Variants in SRD5A1 observed in about 807,000 individuals in gnomAD.
SRD5A1 encodes the protein 3-oxo-5-alpha-steroid 4-dehydrogenase 1.
In SRD5A1, 22 loss-of-function variants were observed where a neutral mutation model predicts 28.2. The ratio of observed to expected loss-of-function variants is 0.78; its 90% CI spans 0.56 to 1.12. The LOEUF (loss-of-function observed/expected upper bound fraction) is 1.12. Ranked by LOEUF, SRD5A1 falls within the 50% of genes most tolerant of loss-of-function variation. SRD5A1 has a pLI of 0.00. For missense variants in SRD5A1, 300 were observed against 346.7 expected, an observed-to-expected ratio of 0.87 and a Z score of 1.07; for synonymous variants, 151 against 135.0, an observed-to-expected ratio of 1.12 and a Z score of -0.82.
chr5:6,640,418 C>G (rs1360752658), intron 1 of SRD5A1, among the ~76,000 whole-genome samples: 1 of 152,202 alleles, frequency 6.6e-6, no homozygotes, highest in African/African-American at 2.4e-5. Context: ...CATTAATACT[C>G]TCAGTTCAGC....
chr5:6,639,450 T>C (rs993297175), intron 1 of SRD5A1, among the ~76,000 whole-genome samples: 1 of 152,198 alleles, frequency 6.6e-6, no homozygotes, highest in South Asian at 2.1e-4. Flanking sequence ...AAGTGCTGCT[T>C]AGGAGCAGAC....
At chr5:6,641,764 A>G (rs1452523337) in intron 1 of SRD5A1, among the ~76,000 whole-genome samples, 3 of 152,240 alleles carry the variant, frequency 2.0e-5, no homozygotes, top group Admixed American at 6.5e-5. Flanking sequence ...TGAATGTCTT[A>G]TCCAGGGCAT....
At chr5:6,634,196 G>A (rs935361775) in intron 1 of SRD5A1, among the ~76,000 whole-genome samples, 11 of 152,300 alleles carry the variant, frequency 7.2e-5, no homozygotes, top group Non-Finnish European at 1.0e-4. Context: ...GCGCGGTGGC[G>A]CCTGTCTGTG....
chr5:6,665,143 T>C (rs1175094447), intron 4 of SRD5A1, among the ~76,000 whole-genome samples: 1 of 152,180 alleles, frequency 6.6e-6, no homozygotes, highest in Non-Finnish European at 1.5e-5. Context: ...GGGAAGGCCA[T>C]GCGAAGATGG....
rs73033323 is a variant in SRD5A1, at chr5:6,651,033, T to C, written c.294-809T>C. 6.7e-3 allele frequency among the ~76,000 whole-genome samples: 1,013 copies of C among 152,150 alleles called. 10 individuals carry two copies. Among genetic ancestry groups the C allele is most frequent in the African/African-American group, 0.023 (973 of 41,508 alleles). ...ACCACTCTGAGTCTTAATTTTATCC[T>C]CTATCAAATGTGGATAAGAGTGCCT... On this transcript the variant is annotated intron_variant, in intron 1 of 4. Coordinates refer to ENST00000274192, the MANE Select transcript of SRD5A1 (RefSeq NM_001047.4).
intron 3 of SRD5A1, among the ~76,000 whole-genome samples, chr5:6,660,340 G>C (rs248799): frequency 0.14 from 21,625 of 152,252 alleles, 1,722 homozygotes; most frequent in East Asian, 0.24. Flanking sequence ...AAGAGAGAAG[G>C]TTCACTGAGC....
At chr5:6,642,212 C>T (rs557075166) in intron 1 of SRD5A1, among the ~76,000 whole-genome samples, 1 of 95,118 alleles carries the variant, frequency 1.1e-5, no homozygotes, top group East Asian at 2.4e-4. Flanking sequence ...TGTAAATGTT[C>T]CTCTCAGTGT....
Position 6,633,812 on chromosome 5 carries a change from T to A in SRD5A1, c.236T>A (p.Leu79His), listed in dbSNP as rs200641772. The part of the protein sequence containing the change: ...YQYASESAPR[L>H]RSAPNCILLA... ...TACGCCAGCGAGTCCGCCCCGCGTC[T>A]CCGCAGCGCGCCCAACTGCATCCTC... The change falls in exon 1 of 5, where the codon CTC (leucine) becomes CAC (histidine). Residue 79 changes from leucine (L) to histidine (H), a missense_variant. Around this residue, in one of 2 missense-constraint regions of SRD5A1, gnomAD observed 174 missense variants for 160.9 expected, o/e 1.08. Coordinates refer to ENST00000274192, the MANE Select transcript of SRD5A1 (RefSeq NM_001047.4). 1.3e-6 allele frequency: 2 copies of A among 1,597,868 alleles called. No individual in the cohort carries two copies. Among genetic ancestry groups the A allele is most frequent in the East Asian group, 2.2e-5 (1 of 44,816 alleles).
At chr5:6,655,271 T>C (rs1231852114) in intron 2 of SRD5A1, among the ~76,000 whole-genome samples, 6 of 152,260 alleles carry the variant, frequency 3.9e-5, no homozygotes, top group Non-Finnish European at 5.9e-5. Context: ...AGTTAACCTC[T>C]TTTTATCAAT....
chr5:6,642,841 C>A (rs1335343996), intron 1 of SRD5A1, among the ~76,000 whole-genome samples: 2 of 152,148 alleles, frequency 1.3e-5, no homozygotes, highest in African/African-American at 2.4e-5. Flanking sequence ...TTATGTGGGA[C>A]AAATCGGCAT....
At chr5:6,633,980 C>T (rs1433995158) in intron 1 of SRD5A1, 111 bp downstream of exon 1, 1 of 1,176,698 alleles carries the variant, frequency 8.5e-7, no homozygotes, top group South Asian at 1.3e-5. Context: ...CCCAGATGCC[C>T]TCTCCCTGCC....
intron 4 of SRD5A1, among the ~76,000 whole-genome samples, chr5:6,663,644 G>T (rs8192221): frequency 0.017 from 2,636 of 152,292 alleles, 74 homozygotes; most frequent in African/African-American, 0.06. Flanking sequence ...TGGATCACTT[G>T]AGGTCAGGAG....
At chr5:6,645,127 G>A (rs1327223204) in intron 1 of SRD5A1, 1 of 398,592 alleles carries the variant, frequency 2.5e-6, no homozygotes, top group East Asian at 7.2e-5. Context: ...TCTTCCCCAG[G>A]AGTTAAGTGG....
chr5:6,633,720 C>G lies in SRD5A1; in HGVS notation c.144C>G (p.Leu48=). The G allele has an allele frequency of 1.9e-6, 3 of 1,594,092 alleles. No individual in the cohort carries two copies. Among genetic ancestry groups the G allele is most frequent in the Non-Finnish European group, 2.5e-6 (3 of 1,177,802 alleles). Residue 48 remains leucine (L), a synonymous_variant, in exon 1 of 5, where the codon CTC becomes CTG. Coordinates refer to ENST00000274192, the MANE Select transcript of SRD5A1 (RefSeq NM_001047.4). ...GCCACGCGCTGCCCAGCCACAGGCT[C>G]CGAGTGCCGGCGCGGGCCGCCTGGG... ...YGRHALPSHR[L]RVPARAAWVV...
At position 6,671,976 on chromosome 5, in the gene SRD5A1, A is replaced by G. The variant is rs920933417; in HGVS notation, c.*3708A>G. The G allele has an allele frequency of 2.0e-5, 3 of 152,168 alleles. No homozygotes were observed. The highest frequency in any genetic ancestry group is 7.2e-5 in the African/African-American group (3 of 41,404). 9.4% of individuals were successfully genotyped at this position (152,168 alleles called of 1,614,324 possible). A position where few individuals can be genotyped will look rare whatever the true frequency, so the allele number is the denominator to read the frequency against. On this transcript the variant is annotated 3_prime_UTR_variant, in exon 5 of 5. Coordinates refer to ENST00000274192, the MANE Select transcript of SRD5A1 (RefSeq NM_001047.4). ...GTTGACTTACAGATACGTTTTTGAG[A>G]TATGAACGTTTGTTATTTCCTGGTG...
intron 1 of SRD5A1, among the ~76,000 whole-genome samples, chr5:6,649,438 A>T (rs933174595): frequency 3.9e-5 from 6 of 152,238 alleles, no homozygotes; most frequent in Non-Finnish European, 8.8e-5. Flanking sequence ...AAGCCTCAGC[A>T]GTGGTGGATG....
intron 3 of SRD5A1, among the ~76,000 whole-genome samples, chr5:6,656,881 A>G (rs1236538718): frequency 2.6e-5 from 4 of 152,240 alleles, no homozygotes; most frequent in Non-Finnish European, 5.9e-5. Flanking sequence ...AGAACCCACA[A>G]GGAAGTACAG....
intron 4 of SRD5A1, among the ~76,000 whole-genome samples, chr5:6,665,380 C>G (rs544481208): frequency 2.7e-4 from 41 of 152,236 alleles, no homozygotes; most frequent in Non-Finnish European, 5.4e-4. Flanking sequence ...GGAACTGATA[C>G]GCCAGCCTTC....
At chr5:6,635,299 T>C (rs1738150250) in intron 1 of SRD5A1, among the ~76,000 whole-genome samples, 1 of 152,204 alleles carries the variant, frequency 6.6e-6, no homozygotes, top group Admixed American at 6.5e-5. Context: ...CCTGAAACTC[T>C]TTACCATTGC....
Sources: gnomAD v4.1 joint callset for allele counts (sites outside exome capture counted in the v4.1 genomes callset) on GRCh38, gnomAD v4.1.1 for gene constraint, gnomAD v4.1.1 regional missense constraint, MANE v1.5 for transcripts, NCBI Gene and HGNC (gene_info 2026-07-23, HGNC 2026-07-21) for gene names.